Variants in MFAP3L observed in about 807,000 individuals in gnomAD.
MFAP3L encodes the protein microfibrillar-associated protein 3-like.
In MFAP3L, 5 loss-of-function variants were observed where a neutral mutation model predicts 20.0. That is an observed-to-expected ratio of 0.25 (90% CI 0.13 to 0.53). The LOEUF is 0.53. Among genes scored for constraint, MFAP3L ranks in the 20% least tolerant of loss-of-function variants. MFAP3L has a pLI of 0.96. For missense variants in MFAP3L, 409 were observed against 527.5 expected (o/e 0.78, Z 2.20); for synonymous variants, 219 against 213.0 (o/e 1.03, Z -0.25).
At position 169,992,239 on chromosome 4, in the gene MFAP3L, G is replaced by A. The variant is rs1275878099; in HGVS notation, c.369C>T (p.Tyr123=). The stretch of plus-strand genomic sequence containing the variant: ...CGTAGATGTTAGAAGCCACACACGT[G>A]TATTTACCTCGGTCTGAGAAGGATA... The part of the protein sequence containing the change: ...TKVSFSDRGK[Y]TCVASNIYGT... The change falls in exon 3 of 3, where the codon TAC becomes TAT. Residue 123 remains tyrosine (Y), a synonymous_variant. Coordinates refer to ENST00000361618, the MANE Select transcript of MFAP3L (RefSeq NM_021647.8). This position sits in a 1 kb window ranked among gnomAD's most constrained non-coding sequence, Gnocchi z 4.3. 2 of 1,614,118 alleles carry A rather than the reference G, an allele frequency of 1.2e-6. No homozygotes were observed.
intron 1 of MFAP3L, among the ~76,000 whole-genome samples, chr4:170,013,527 C>G (rs1739513899): frequency 6.6e-6 from 1 of 151,942 alleles, no homozygotes; most frequent in Non-Finnish European, 1.5e-5. Context: ...TTTCTTTACT[C>G]TAAAAAATGG....
chr4:170,017,640 T>A (rs955192655), intron 1 of MFAP3L, among the ~76,000 whole-genome samples: 1 of 152,256 alleles, frequency 6.6e-6, no homozygotes, highest in Non-Finnish European at 1.5e-5. Context: ...TAGCTAATTA[T>A]TTTAAAATTT....
chr4:170,005,676 A>G lies in MFAP3L; in HGVS notation c.202T>C (p.Cys68Arg), dbSNP rs757155911. 2 of 1,614,218 alleles carry G rather than the reference A, an allele frequency of 1.2e-6. No homozygotes were observed. The change falls in exon 2 of 3, where the codon TGT becomes CGT. Residue 68 changes from cysteine to arginine, a missense_variant. Around this residue, in one of 3 missense-constraint regions of MFAP3L, gnomAD observed 113 missense variants for 131.1 expected, o/e 0.86. Coordinates refer to ENST00000361618, the MANE Select transcript of MFAP3L (RefSeq NM_021647.8). ...GGGTCAGGGATGCCATAAACACTAC[A>G]GTTAATCAAGGCACTGTTCCCTTCC... ...VKEGNSALIN[C>R]SVYGIPDPQF...
chr4:170,026,476 G>A (rs1169345879), upstream of MFAP3L: 1 of 183,032 alleles, frequency 5.5e-6, no homozygotes, highest in Non-Finnish European at 1.0e-5. Flanking sequence ...GCCGGGCGGC[G>A]CGGAGGCGCG....
At position 170,002,470 on chromosome 4, in the gene MFAP3L, T is replaced by C. The variant is rs181526494; in HGVS notation, c.298+3110A>G. On this transcript the variant is annotated intron_variant, in intron 2 of 2. Coordinates refer to ENST00000361618, the MANE Select transcript of MFAP3L (RefSeq NM_021647.8). ...GTTAGTTTGGTTCTAACAGTAGTCTTAGTGTACCTAGGTAAGGTTCTAGGA... is the reference window on the plus strand; with the variant it reads ...GTTAGTTTGGTTCTAACAGTAGTCTCAGTGTACCTAGGTAAGGTTCTAGGA... 4.0e-4 allele frequency among the ~76,000 whole-genome samples: 61 copies of C among 152,296 alleles called. No homozygotes were observed. The East Asian group carries it at 0.011, about 26-fold the overall frequency.
chr4:170,026,133 G>A (rs1230648087), intron 1 of MFAP3L, 101 bp downstream of exon 1: 2 of 691,848 alleles, frequency 2.9e-6, no homozygotes, highest in South Asian at 6.4e-5. Context: ...CCAAACACCC[G>A]AAAGTTCGGC....
At chr4:170,018,508 G>A (rs986500940) in intron 1 of MFAP3L, among the ~76,000 whole-genome samples, 3 of 152,026 alleles carry the variant, frequency 2.0e-5, no homozygotes, top group Admixed American at 2.0e-4. Context: ...GAGGAGAGGC[G>A]GCCATAACTT....
chr4:170,016,375 C>T (rs1739702258), intron 1 of MFAP3L, among the ~76,000 whole-genome samples: 3 of 152,138 alleles, frequency 2.0e-5, no homozygotes, highest in Non-Finnish European at 2.9e-5. Context: ...ACCCCGGCAT[C>T]CTTGAACTTA....
Position 169,992,352 on chromosome 4 carries a change from C to T in MFAP3L, c.299-43G>A. 3 of 1,473,268 alleles carry T rather than the reference C, an allele frequency of 2.0e-6. No individual in the cohort carries two copies. Among genetic ancestry groups the T allele is most frequent in the Non-Finnish European group, 1.9e-6 (2 of 1,074,760 alleles). The allele number at this position is 1,473,268 out of a possible 1,614,324, so 91.3% of individuals were successfully genotyped here. On this transcript the variant is annotated intron_variant, in intron 2 of 2. Coordinates refer to ENST00000361618, the MANE Select transcript of MFAP3L (RefSeq NM_021647.8). This position sits in a 1 kb window ranked among gnomAD's most constrained non-coding sequence, Gnocchi z 4.3. ...AGAGAATTCAACCAAGGACACAGAG[C>T]TCCCATGACTACAAACTGATACGTT...
chr4:170,011,049 G>C (rs570532643), intron 1 of MFAP3L, among the ~76,000 whole-genome samples: 2 of 152,126 alleles, frequency 1.3e-5, no homozygotes, highest in Admixed American at 6.5e-5. Context: ...GAGATCTAAC[G>C]GTTTTATAAA....
At position 169,991,339 on chromosome 4, in the gene MFAP3L, CCT is replaced by C. The variant is rs781252360; in HGVS notation, c.*37_*38del. 112 of 1,580,748 alleles carry C rather than the reference CCT, an allele frequency of 7.1e-5. No homozygotes were observed. Among genetic ancestry groups the C allele is most frequent in the Non-Finnish European group, 8.7e-5 (101 of 1,161,456 alleles). On this transcript the variant is annotated 3_prime_UTR_variant, in exon 3 of 3. Transcript: ENST00000361618. This position sits in a 1 kb window ranked among gnomAD's most constrained non-coding sequence, Gnocchi z 4.9. ...TACATCTGTATTACAAGGAGCAGCCCCTGATTTTCTTGATATGCATAGCTTTT... is the reference window on the plus strand; with the variant it reads ...TACATCTGTATTACAAGGAGCAGCCCGATTTTCTTGATATGCATAGCTTTT...
At chr4:170,006,799 G>A (rs1259310298) in intron 1 of MFAP3L, 2 of 152,216 alleles carry the variant, frequency 1.3e-5, no homozygotes, top group Admixed American at 1.3e-4. Context: ...ACCCATTATA[G>A]CTTCCAGAAT....
intron 2 of MFAP3L, among the ~76,000 whole-genome samples, chr4:169,995,446 T>G (rs1738073325): frequency 2.0e-5 from 3 of 152,212 alleles, no homozygotes; most frequent in African/African-American, 7.2e-5. Flanking sequence ...CACATTCTAC[T>G]GCCACGTACA....
intron 2 of MFAP3L, chr4:169,997,650 C>G: frequency 1.1e-6 from 1 of 921,008 alleles, no homozygotes; most frequent in Non-Finnish European, 1.3e-6. Flanking sequence ...AAAGGGGAGT[C>G]GCTAGTGACA....
chr4:170,009,507 CCTAAGTA>C (rs1207146358), intron 1 of MFAP3L, among the ~76,000 whole-genome samples: 3 of 151,690 alleles, frequency 2.0e-5, no homozygotes. Context: ...AAGAGTAAAC[CCTAAGTA>C]CTATAATCCA....
rs149597555 is a variant in MFAP3L at position 170,019,364 on chromosome 4, T to G, written c.-134+6870A>C. Among the ~76,000 whole-genome samples, 381 of 152,036 alleles carry G rather than the reference T, an allele frequency of 2.5e-3. 1 individual carries two copies. Among genetic ancestry groups the G allele is most frequent in the Middle Eastern group, 0.02 (6 of 294 alleles). ...GAGTTTGAGACCAGCCTGGGCAACA[T>G]AGCAAGACTTCATGTCTACAAAAAA... On this transcript the variant is annotated intron_variant, in intron 1 of 2. Coordinates refer to ENST00000361618, the MANE Select transcript of MFAP3L (RefSeq NM_021647.8).
intron 2 of MFAP3L, among the ~76,000 whole-genome samples, chr4:169,995,596 A>G (rs115689601): frequency 0.054 from 8,234 of 152,228 alleles, 782 homozygotes; most frequent in African/African-American, 0.19. Flanking sequence ...GCTGCTGCAC[A>G]TTACCATTCG....
chr4:169,999,104 G>T (rs1250141533), intron 2 of MFAP3L, among the ~76,000 whole-genome samples: 1 of 152,240 alleles, frequency 6.6e-6, no homozygotes, highest in Non-Finnish European at 1.5e-5. Context: ...ATCTGCAGAA[G>T]ATGAGAGCTC....
At chr4:170,022,280 T>C (rs1333156474) in intron 1 of MFAP3L, among the ~76,000 whole-genome samples, 2 of 152,250 alleles carry the variant, frequency 1.3e-5, no homozygotes, top group African/African-American at 4.8e-5. Context: ...CCACCTCTTG[T>C]TGGACTTCCT....
Sources: gnomAD v4.1 joint callset for allele counts (sites outside exome capture counted in the v4.1 genomes callset) on GRCh38, gnomAD v4.1.1 for gene constraint, gnomAD v4.1.1 regional missense constraint, Gnocchi (gnomAD v3.1) non-coding constraint, MANE v1.5 for transcripts, NCBI Gene and HGNC (gene_info 2026-07-23, HGNC 2026-07-21) for gene names.